MYOF: variants seen among roughly 807,000 people sequenced by gnomAD.
MYOF encodes the protein fer-1-like 3, myoferlin.
In MYOF, 244 loss-of-function variants were observed where a neutral mutation model predicts 284.2. The ratio of observed to expected loss-of-function variants is 0.86; its 90% CI spans 0.77 to 0.95. The LOEUF (loss-of-function observed/expected upper bound fraction) is 0.95. Among genes scored for constraint, MYOF ranks in the 40% least tolerant of loss-of-function variants. The pLI, the probability that MYOF is intolerant of heterozygous loss-of-function variation, is 0.00. For synonymous variants in MYOF, 904 were observed against 919.7 expected (o/e 0.98, Z 0.31); for missense variants, 2,496 against 2,560.6 (o/e 0.97, Z 0.54).
At chr10:93,408,746 T>G (rs1320466895) in intron 7 of MYOF, 41 bp downstream of exon 7, 6 of 1,612,838 alleles carry the variant, frequency 3.7e-6, no homozygotes, top group Non-Finnish European at 5.1e-6. Context: ...CCCTCCCCAG[T>G]GGGACTCATG....
At chr10:93,338,266 C>T (rs1843708269) in intron 39 of MYOF, 2 of 452,860 alleles carry the variant, frequency 4.4e-6, no homozygotes, top group South Asian at 3.2e-5. Flanking sequence ...TAAAGAAAAC[C>T]TCCAATATGT....
chr10:93,307,501 T>C (rs889297485), intron 53 of MYOF, among the ~76,000 whole-genome samples: 5 of 151,952 alleles, frequency 3.3e-5, no homozygotes, highest in African/African-American at 1.2e-4. Flanking sequence ...GGGGTTTCAC[T>C]GTGTTAGCCA....
chr10:93,448,444 A>G (rs1052913900), intron 3 of MYOF, among the ~76,000 whole-genome samples: 7 of 152,130 alleles, frequency 4.6e-5, no homozygotes, highest in South Asian at 2.1e-4. Flanking sequence ...ATGGTACCCG[A>G]CATATTATGT....
intron 22 of MYOF, among the ~76,000 whole-genome samples, chr10:93,377,092 G>A (rs1332142900): frequency 6.6e-6 from 1 of 152,128 alleles, no homozygotes. Flanking sequence ...TTCTGGGAGT[G>A]GGGCCTCAGC....
intron 5 of MYOF, among the ~76,000 whole-genome samples, chr10:93,425,007 C>T (rs1308373123): frequency 1.5e-5 from 2 of 132,574 alleles, no homozygotes; most frequent in African/African-American, 2.8e-5. Flanking sequence ...GGCACAATCT[C>T]GGCTCACTGA....
intron 51 of MYOF, among the ~76,000 whole-genome samples, chr10:93,311,622 C>T (rs377705941): frequency 1.1e-4 from 16 of 149,924 alleles, no homozygotes; most frequent in African/African-American, 3.7e-4. Flanking sequence ...AACCTGCCCA[C>T]TTTTATAGTG....
intron 25 of MYOF, among the ~76,000 whole-genome samples, chr10:93,369,354 C>T (rs150661663): frequency 1.3e-5 from 2 of 151,734 alleles, no homozygotes; most frequent in Non-Finnish European, 2.9e-5. Context: ...AGAAAGACAC[C>T]CATTTTCAGT....
intron 26 of MYOF, among the ~76,000 whole-genome samples, chr10:93,364,862 AC>A (rs1214019088): frequency 1.3e-5 from 2 of 152,302 alleles, no homozygotes; most frequent in East Asian, 3.9e-4. Context: ...AATCAAAAAA[AC>A]AAACAGTCCC....
chr10:93,329,681 TATG>T lies in MYOF; in HGVS notation c.4962_4964del (p.Ile1655del). ...CAACTTACACACAGTACTCCTCTGG[TATG>T]CCGCAGTGGGACCCAAAGCGGGAAA... On this transcript the variant is annotated inframe_deletion, in exon 44 of 54. Transcript: ENST00000359263. The T allele has an allele frequency of 6.2e-7, 1 of 1,614,080 alleles. No homozygotes were observed. The highest frequency in any genetic ancestry group is 8.5e-7 in the Non-Finnish European group (1 of 1,180,036).
intron 37 of MYOF, among the ~76,000 whole-genome samples, chr10:93,345,061 G>A (rs879687063): frequency 1.3e-5 from 2 of 152,158 alleles, no homozygotes; most frequent in Non-Finnish European, 2.9e-5. Context: ...CACCAAACAG[G>A]AAGACATTTA....
rs1049186207 is a variant in MYOF, at chr10:93,360,541, C to T, written c.2975-563G>A. ...TTATTCTGAGATCTGGTGTGTGCAT[C>T]GAGATCAGTGAGGAGCTTATAATTG... is the stretch of plus-strand genomic sequence containing the variant. On this transcript the variant is annotated intron_variant, in intron 28 of 53. Coordinates refer to ENST00000359263, the MANE Select transcript of MYOF (RefSeq NM_013451.4). Among the ~76,000 whole-genome samples, 7 of 152,302 alleles carry T rather than the reference C, an allele frequency of 4.6e-5. No homozygotes were observed. In the East Asian group the frequency reaches 7.7e-4, roughly 17 times the overall value.
Position 93,387,904 on chromosome 10 carries a change from C to T in MYOF, c.1591G>A (p.Val531Ile). 1 of 1,612,898 alleles carries T rather than the reference C, an allele frequency of 6.2e-7. No homozygotes were observed. The highest frequency in any genetic ancestry group is 8.5e-7 in the Non-Finnish European group (1 of 1,178,956). The change falls in exon 19 of 54, where the codon GTT (valine) becomes ATT (isoleucine). Residue 531 changes from valine (V) to isoleucine (I), a missense_variant. Coordinates refer to ENST00000359263, the MANE Select transcript of MYOF (RefSeq NM_013451.4). ...DELNTGKGEG[V>I]AYRGRILVEL... ...ACCAAGATCCTGCCTCTGTAGGCAA[C>T]TCCTTCCCCCTGAAAGGCAATAATC...
intron 19 of MYOF, among the ~76,000 whole-genome samples, 173 bp from the exon 20 acceptor site, chr10:93,381,569 A>G (rs1323862915): frequency 1.3e-5 from 2 of 152,242 alleles, no homozygotes; most frequent in Non-Finnish European, 2.9e-5. Context: ...GAGCAAAGAT[A>G]GAAGCACTAG....
In MYOF at chr10:93,482,270, C is replaced by G; in HGVS notation, c.-76G>C. On this transcript the variant is annotated 5_prime_UTR_variant, in exon 1 of 54. Coordinates refer to ENST00000359263, the MANE Select transcript of MYOF (RefSeq NM_013451.4). Reference sequence around the variant, plus strand: ...GCGCTGGAGCTCCGGGTCGCACCGCCCTGGGAGAGAAGTTCTCTCCCAGTG... The same window carrying G: ...GCGCTGGAGCTCCGGGTCGCACCGCGCTGGGAGAGAAGTTCTCTCCCAGTG... 7.9e-7 allele frequency: 1 copy of G among 1,262,582 alleles called. No homozygotes were observed. The highest frequency in any genetic ancestry group is 1.3e-5 in the South Asian group (1 of 78,318). The allele number at this position is 1,262,582 out of a possible 1,614,324, so 78.2% of individuals were successfully genotyped here. A position where few individuals can be genotyped will look rare whatever the true frequency, so the allele number is the denominator to read the frequency against.
chr10:93,307,625 A>AT (rs141377552), intron 53 of MYOF, among the ~76,000 whole-genome samples: 5,763 of 128,570 alleles, frequency 0.045, 157 homozygotes, highest in Middle Eastern at 0.12. Context: ...AACCAATAGA[A>AT]TTTTTTTTTT....
At chr10:93,467,397 A>G (rs2057035018) in intron 1 of MYOF, among the ~76,000 whole-genome samples, 1 of 61,590 alleles carries the variant, frequency 1.6e-5, no homozygotes, top group African/African-American at 4.9e-5. Flanking sequence ...GTTCCCACCT[A>G]TGAGTGAGAA....
intron 41 of MYOF, among the ~76,000 whole-genome samples, chr10:93,335,709 C>G (rs182543192): frequency 6.6e-6 from 1 of 152,146 alleles, no homozygotes; most frequent in African/African-American, 2.4e-5. Flanking sequence ...CCCCCTTTTC[C>G]TTTCTGGCAC....
At chr10:93,453,105 A>G (rs1170774780) in intron 2 of MYOF, among the ~76,000 whole-genome samples, 3 of 151,292 alleles carry the variant, frequency 2.0e-5, no homozygotes, top group South Asian at 4.2e-4. Flanking sequence ...TAGCACTTCT[A>G]AAAAAAAACA....
At chr10:93,416,488 A>G (rs751585644) in intron 5 of MYOF, among the ~76,000 whole-genome samples, 49 of 152,092 alleles carry the variant, frequency 3.2e-4, no homozygotes, top group Admixed American at 6.5e-4. Flanking sequence ...GCGCCACTGC[A>G]CTCCAGCCTC....
Sources: gnomAD v4.1 joint callset for allele counts (sites outside exome capture counted in the v4.1 genomes callset) on GRCh38, gnomAD v4.1.1 for gene constraint, MANE v1.5 for transcripts, NCBI Gene and HGNC (gene_info 2026-07-23, HGNC 2026-07-21) for gene names.